CERT1: variants seen among roughly 807,000 people sequenced by gnomAD.
The protein encoded by CERT1 is ceramide transporter 1, also known as ceramide transfer protein.
In CERT1, 31 loss-of-function variants were observed where a neutral mutation model predicts 87.9. The observed-to-expected ratio is 0.35, with a 90% CI of 0.27 to 0.48. CERT1 has a LOEUF of 0.48. Among genes scored for constraint, CERT1 ranks in the 20% least tolerant of loss-of-function variants. CERT1 has a pLI of 0.99. For missense variants in CERT1, 487 were observed against 758.0 expected (o/e 0.64, Z 4.20); for synonymous variants, 289 against 250.9 (o/e 1.15, Z -1.44).
In CERT1 at chr5:75,430,790, C is replaced by T. The variant is rs534690334; in HGVS notation, c.349-4312G>A. 6.6e-4 allele frequency among the ~76,000 whole-genome samples: 100 copies of T among 152,112 alleles called. 1 individual carries two copies. Among genetic ancestry groups the T allele is most frequent in the African/African-American group, 2.3e-3 (97 of 41,494 alleles). ...CAGTGGCTCACACCTGTAATCCCAG[C>T]ACTCTGGAGGCCAAGGCAGGAGAAC... is the stretch of plus-strand genomic sequence containing the variant. On this transcript the variant is annotated intron_variant, in intron 3 of 16. Coordinates refer to ENST00000643780, the MANE Select transcript of CERT1 (RefSeq NM_001379029.1).
intron 1 of CERT1, among the ~76,000 whole-genome samples, chr5:75,510,881 G>C (rs1337259292): frequency 6.6e-6 from 1 of 152,104 alleles, no homozygotes; most frequent in African/African-American, 2.4e-5. Flanking sequence ...TCCCAAACTG[G>C]ATCTCAGGTT....
Position 75,511,269 on chromosome 5 carries a change from C to T in CERT1, c.-62G>A, listed in dbSNP as rs1767974661. ...TCCCTCAGCTGCGCCGGAGGAGGCG[C>T]CCAGTCCTCGGGGTGAAGGGTCGGG... is the stretch of plus-strand genomic sequence containing the variant. On this transcript the variant is annotated 5_prime_UTR_variant, in exon 1 of 17. Coordinates refer to ENST00000643780, the MANE Select transcript of CERT1 (RefSeq NM_001379029.1). The T allele has an allele frequency of 1.3e-6, 2 of 1,592,172 alleles. No individual in the cohort carries two copies. The highest frequency in any genetic ancestry group is 1.1e-5 in the South Asian group (1 of 89,016).
At chr5:75,376,306 T>C (rs1013547885), downstream of CERT1, 14 of 152,216 alleles carry the variant, frequency 9.2e-5, no homozygotes, top group African/African-American at 2.4e-4. Context: ...CCTTGCTTGG[T>C]TGAATATCTG....
At chr5:75,394,868 A>C (rs919706338) in intron 11 of CERT1, among the ~76,000 whole-genome samples, 2 of 152,246 alleles carry the variant, frequency 1.3e-5, no homozygotes, top group South Asian at 4.1e-4. Flanking sequence ...GATTTTAAAA[A>C]ATCAGGCACA....
chr5:75,403,039 A>G lies in CERT1; in HGVS notation c.950T>C (p.Ile317Thr), dbSNP rs756471210. The G allele has an allele frequency of 6.2e-7, 1 of 1,613,194 alleles. No individual in the cohort carries two copies. Among genetic ancestry groups the G allele is most frequent in the Non-Finnish European group, 8.5e-7 (1 of 1,179,202 alleles). Reference protein sequence around the residue: ...PDYEEGPNSLINEEEFFDAVE... With the variant: ...PDYEEGPNSLTNEEEFFDAVE... ...AGCATCAAAGAACTCTTCTTCATTA[A>G]TCAGACTGTTAGGGCCTTCCTATTC... The change falls in exon 9 of 17, where the codon ATT (isoleucine) becomes ACT (threonine). Residue 317 changes from isoleucine to threonine, a missense_variant. Physicochemically the swap from Ile to Thr is moderately conservative, Grantham distance 89. Transcript: ENST00000643780.
At chr5:75,386,934 C>G (rs1761813694) in intron 12 of CERT1, among the ~76,000 whole-genome samples, 1 of 152,156 alleles carries the variant, frequency 6.6e-6, no homozygotes, top group African/African-American at 2.4e-5. Context: ...ATGGCGCCGT[C>G]TCGGCTCACT....
chr5:75,373,860 G>C (rs142940028), downstream of CERT1: 5,458 of 380,858 alleles, frequency 0.014, 53 homozygotes, highest in Non-Finnish European at 0.019. Flanking sequence ...TAAAAATTCT[G>C]AAAAAGTATC....
At chr5:75,455,888 T>C (rs1178437270) in intron 3 of CERT1, among the ~76,000 whole-genome samples, 1 of 152,190 alleles carries the variant, frequency 6.6e-6, no homozygotes, top group Non-Finnish European at 1.5e-5. Flanking sequence ...TTTCCTCTTC[T>C]GCAAAATACT....
intron 2 of CERT1, among the ~76,000 whole-genome samples, chr5:75,480,962 C>G (rs1312751004): frequency 6.6e-6 from 1 of 152,178 alleles, no homozygotes; most frequent in African/African-American, 2.4e-5. Flanking sequence ...TTTCCTGCTT[C>G]CATCCCTGCC....
At position 75,511,412 on chromosome 5, in the gene CERT1, C is replaced by T. The variant is rs1026933314; in HGVS notation, c.-205G>A. The T allele has an allele frequency of 7.5e-5, 116 of 1,545,264 alleles. No homozygotes were observed. The highest frequency in any genetic ancestry group is 9.5e-5 in the Non-Finnish European group (109 of 1,145,554). On this transcript the variant is annotated 5_prime_UTR_variant, in exon 1 of 17. Transcript: ENST00000643780. ...GAGCGGAGCGAGGAAGGAGGACGAG[C>T]GGTGAAGGAAGCCTACCCTTCCAGC... is the stretch of plus-strand genomic sequence containing the variant.
intron 3 of CERT1, among the ~76,000 whole-genome samples, chr5:75,445,567 C>T (rs1282088884): frequency 6.6e-6 from 1 of 152,190 alleles, no homozygotes; most frequent in Non-Finnish European, 1.5e-5. Flanking sequence ...TCAAGTGACT[C>T]TCCTGCCTCA....
At chr5:75,454,164 G>T (rs1047425498) in intron 3 of CERT1, among the ~76,000 whole-genome samples, 2 of 152,112 alleles carry the variant, frequency 1.3e-5, no homozygotes, top group Non-Finnish European at 2.9e-5. Context: ...AGGTTATTTT[G>T]TTGCTTATTT....
chr5:75,381,887 T>C (rs1298335690), intron 15 of CERT1, 62 bp downstream of exon 15: 13 of 1,448,354 alleles, frequency 9.0e-6, no homozygotes, highest in Non-Finnish European at 1.2e-5. Context: ...ATCATTTTTG[T>C]CCCGCATTGT....
At chr5:75,458,140 C>T (rs1765079291) in intron 3 of CERT1, among the ~76,000 whole-genome samples, 1 of 152,090 alleles carries the variant, frequency 6.6e-6, no homozygotes, top group South Asian at 2.1e-4. Flanking sequence ...TTAGAACGTT[C>T]TCTGTTTTAT....
At chr5:75,478,909 TAAA>T (rs11438163) in intron 2 of CERT1, among the ~76,000 whole-genome samples, 503 of 21,582 alleles carry the variant, frequency 0.023, 1 homozygote, top group Non-Finnish European at 0.034. Flanking sequence ...AAGTAAGTAC[TAAA>T]AAAAAAAAAA....
intron 17 of CERT1, chr5:75,371,355 G>C (rs1426468290): frequency 6.6e-6 from 1 of 152,214 alleles, no homozygotes; most frequent in East Asian, 1.9e-4. Context: ...GTGTTTAATT[G>C]GACAAATAAC....
intron 2 of CERT1, among the ~76,000 whole-genome samples, chr5:75,471,218 G>A (rs561908844): frequency 1.7e-4 from 26 of 152,266 alleles, no homozygotes; most frequent in Admixed American, 1.2e-3. Context: ...TACATATCTA[G>A]ATGGTATAGC....
At chr5:75,474,492 A>T (rs1765866516) in intron 2 of CERT1, among the ~76,000 whole-genome samples, 1 of 152,128 alleles carries the variant, frequency 6.6e-6, no homozygotes, top group South Asian at 2.1e-4. Flanking sequence ...CTGTTCTCTT[A>T]GTATATCACG....
chr5:75,415,768 T>A (rs1230755621), intron 7 of CERT1, among the ~76,000 whole-genome samples: 2 of 151,496 alleles, frequency 1.3e-5, no homozygotes, highest in Non-Finnish European at 2.9e-5. Flanking sequence ...AATACATTGT[T>A]TTTTTTTTGT....
Sources: gnomAD v4.1 joint callset for allele counts (sites outside exome capture counted in the v4.1 genomes callset) on GRCh38, gnomAD v4.1.1 for gene constraint, MANE v1.5 for transcripts, NCBI Gene and HGNC (gene_info 2026-07-23, HGNC 2026-07-21) for gene names.